The following ACOT13 variants were observed in gnomAD, a reference collection of about 807,000 sequenced individuals.
ACOT13 encodes the protein acyl-CoA thioesterase 13, also known as acyl-coenzyme A thioesterase 13.
Under a neutral mutation model 11.8 loss-of-function variants are expected in ACOT13, and 10 were observed. The observed-to-expected ratio is 0.85, with a 90% CI of 0.53 to 1.44. The LOEUF (loss-of-function observed/expected upper bound fraction) is 1.44. Ranked by LOEUF, ACOT13 falls within the 40% of genes most tolerant of loss-of-function variation. The pLI, the probability that ACOT13 is intolerant of heterozygous loss-of-function variation, is 0.00. For synonymous variants in ACOT13, 53 were observed against 61.0 expected (o/e 0.87, Z 0.61); for missense variants, 172 against 174.1 (o/e 0.99, Z 0.07).
chr6:24,693,073 C>A (rs1192821267), intron 1 of ACOT13, among the ~76,000 whole-genome samples: 1 of 152,204 alleles, frequency 6.6e-6, no homozygotes, highest in African/African-American at 2.4e-5. Flanking sequence ...TATGAAGGTG[C>A]ATTCATACAC....
intron 1 of ACOT13, among the ~76,000 whole-genome samples, chr6:24,686,608 T>G (rs915073780): frequency 1.3e-5 from 2 of 149,374 alleles, no homozygotes; most frequent in Non-Finnish European, 2.9e-5. Flanking sequence ...TTTCTTTCTT[T>G]TCTTCCTCTC....
At chr6:24,667,994 T>A (rs1778290729) in intron 1 of ACOT13, among the ~76,000 whole-genome samples, 1 of 152,146 alleles carries the variant, frequency 6.6e-6, no homozygotes, top group East Asian at 1.9e-4. Context: ...AACCTCCACC[T>A]CCCTGGTTCA....
chr6:24,679,519 A>G (rs1229078480), intron 1 of ACOT13, among the ~76,000 whole-genome samples: 2 of 152,166 alleles, frequency 1.3e-5, no homozygotes, highest in East Asian at 1.9e-4. Flanking sequence ...ACATCATTGC[A>G]TAATTCATAG....
At chr6:24,667,505 C>T (rs1264325840) in intron 1 of ACOT13, among the ~76,000 whole-genome samples, 161 bp downstream of exon 1, 2 of 152,078 alleles carry the variant, frequency 1.3e-5, no homozygotes, top group African/African-American at 2.4e-5. Context: ...TTAATGGAGC[C>T]CCTAAATATG....
chr6:24,688,479 G>A (rs548966323), intron 1 of ACOT13, among the ~76,000 whole-genome samples: 31 of 150,208 alleles, frequency 2.1e-4, no homozygotes, highest in African/African-American at 7.6e-4. Flanking sequence ...GGTCGAGGCT[G>A]CAGTGAGCTA....
intron 1 of ACOT13, among the ~76,000 whole-genome samples, chr6:24,673,297 G>A (rs1227765713): frequency 2.0e-5 from 3 of 151,452 alleles, no homozygotes; most frequent in African/African-American, 7.3e-5. Flanking sequence ...GGGAGAGAAA[G>A]CTGAAAAAAA....
intron 1 of ACOT13, among the ~76,000 whole-genome samples, chr6:24,688,587 C>T (rs1356444297): frequency 1.3e-5 from 2 of 151,152 alleles, no homozygotes; most frequent in Non-Finnish European, 2.9e-5. Flanking sequence ...ACCTAAATGT[C>T]CAACCATGGG....
chr6:24,667,259 C>A lies in ACOT13; in HGVS notation c.-5C>A, dbSNP rs1778273926. The stretch of plus-strand genomic sequence containing the variant: ...CAAAGCCCAAAGGCTGGAAAACCGT[C>A]CACGATGACCAGCATGACTCAGTCT... On this transcript the variant is annotated 5_prime_UTR_variant, in exon 1 of 3. Transcript: ENST00000230048. 6.2e-7 allele frequency: 1 copy of A among 1,613,836 alleles called. No individual in the cohort carries two copies. The highest frequency in any genetic ancestry group is 1.3e-5 in the African/African-American group (1 of 74,918).
intron 1 of ACOT13, among the ~76,000 whole-genome samples, chr6:24,670,472 C>T (rs1202123544): frequency 6.6e-6 from 1 of 152,144 alleles, no homozygotes; most frequent in Non-Finnish European, 1.5e-5. Context: ...GCCAGTTTTC[C>T]CAAGGGCTTT....
At chr6:24,699,643 A>G (rs1778861816) in intron 2 of ACOT13, among the ~76,000 whole-genome samples, 1 of 152,254 alleles carries the variant, frequency 6.6e-6, no homozygotes, top group South Asian at 2.1e-4. Flanking sequence ...TCTTTTTGAA[A>G]TTAAGATGTA....
chr6:24,684,746 C>T (rs1778603814), intron 1 of ACOT13, among the ~76,000 whole-genome samples: 1 of 27,140 alleles, frequency 3.7e-5, no homozygotes, highest in South Asian at 1.0e-3. Flanking sequence ...CAGACATGGT[C>T]TCATGCCTAT....
intron 1 of ACOT13, chr6:24,687,701 T>C (rs765271587): frequency 4.9e-6 from 7 of 1,433,342 alleles, no homozygotes; most frequent in Admixed American, 4.9e-5. Flanking sequence ...AAGGTAAGAA[T>C]AGAATTTTTT....
chr6:24,667,486 A>ATTATTACT, intron 1 of ACOT13, 142 bp downstream of exon 1: 2 of 743,430 alleles, frequency 2.7e-6, no homozygotes, highest in South Asian at 3.4e-5. Context: ...AGTAATAATG[A>ATTATTACT]TTATTACTTT....
intron 1 of ACOT13, among the ~76,000 whole-genome samples, chr6:24,689,087 A>AG (rs1231456028): frequency 6.6e-6 from 1 of 151,980 alleles, no homozygotes; most frequent in Non-Finnish European, 1.5e-5. Flanking sequence ...TGAACCTAGG[A>AG]GGTGGAGGCT....
At chr6:24,679,242 T>C (rs1778507890) in intron 1 of ACOT13, among the ~76,000 whole-genome samples, 1 of 152,096 alleles carries the variant, frequency 6.6e-6, no homozygotes, top group Non-Finnish European at 1.5e-5. Context: ...TTTTATCCCG[T>C]TTGTCCCATT....
intron 1 of ACOT13, among the ~76,000 whole-genome samples, chr6:24,687,122 T>C (rs1778644697): frequency 6.6e-6 from 1 of 152,182 alleles, no homozygotes; most frequent in Non-Finnish European, 1.5e-5. Context: ...ACATCCTCAT[T>C]GTTTTGCAAT....
intron 1 of ACOT13, among the ~76,000 whole-genome samples, chr6:24,682,313 T>G (rs6931502): frequency 5.3e-5 from 8 of 152,026 alleles, no homozygotes; most frequent in African/African-American, 1.9e-4. Context: ...GGTCCTTGCT[T>G]CCAGAGCTCC....
In ACOT13 at chr6:24,668,323, A is replaced by G. The variant is rs148695509; in HGVS notation, c.81+979A>G. 7.0e-4 allele frequency among the ~76,000 whole-genome samples: 106 copies of G among 150,936 alleles called. 1 individual carries two copies. The highest frequency in any genetic ancestry group is 3.5e-3 in the Middle Eastern group (1 of 286). ...AACCTCCGCCTCCTGGGTTCAAGTG[A>G]TTCTCATGCCTCAGCCTTCCAAGTA... On this transcript the variant is annotated intron_variant, in intron 1 of 2. Coordinates refer to ENST00000230048, the MANE Select transcript of ACOT13 (RefSeq NM_018473.4).
At position 24,701,589 on chromosome 6, in the gene ACOT13, A is replaced by AGAC. The variant is rs1778893357; in HGVS notation, c.398_400dup (p.Arg133dup). ...CACAGGAAAATTAATAGCACAAGGAAGACACACAAAACACCTGGGAAACTG... is the reference window on the plus strand; with the variant it reads ...CACAGGAAAATTAATAGCACAAGGAAGACGACACACAAAACACCTGGGAAACTG... On this transcript the variant is annotated inframe_insertion, in exon 3 of 3. Transcript: ENST00000230048. 1 of 1,612,386 alleles carries AGAC rather than the reference A, an allele frequency of 6.2e-7. No homozygotes were observed. The highest frequency in any genetic ancestry group is 1.3e-5 in the African/African-American group (1 of 74,904).
Sources: allele counts gnomAD v4.1 joint callset (sites outside exome capture counted in the v4.1 genomes callset), GRCh38; gene constraint gnomAD v4.1.1; transcripts MANE v1.5; gene names NCBI Gene and HGNC (gene_info 2026-07-23, HGNC 2026-07-21).